Variants in SCAPER observed in about 807,000 individuals in gnomAD.
SCAPER encodes S-phase cyclin A associated protein in the ER.
A neutral mutation model predicts 182.2 loss-of-function variants in SCAPER; 98 were observed. The observed-to-expected ratio is 0.54, with a 90% CI of 0.46 to 0.64. SCAPER has a LOEUF of 0.64. SCAPER is among the 30% of genes least tolerant of loss of function. The pLI is 0.00. For missense variants in SCAPER, 1,432 were observed against 1,690.0 expected (o/e 0.85, Z 2.68); for synonymous variants, 605 against 564.6 (o/e 1.07, Z -1.01).
intron 5 of SCAPER, among the ~76,000 whole-genome samples, chr15:76,812,159 CA>C (rs1455496615): frequency 5.3e-5 from 8 of 151,678 alleles, no homozygotes; most frequent in Non-Finnish European, 5.9e-5. Flanking sequence ...ATTAAAAACA[CA>C]AAACTTAGCC....
rs1567494787 is a variant in SCAPER, at chr15:76,572,910, CT to C, written c.2838+1247del. Among the ~76,000 whole-genome samples the C allele has an allele frequency of 9.1e-3, 879 of 96,134 alleles. 4 individuals carry two copies. The highest frequency in any genetic ancestry group is 0.031 in the African/African-American group (848 of 27,776). The allele number at this position is 96,134 out of a possible 152,430, so 63.1% of individuals were successfully genotyped here. ...GTGCACTCTCTCTCTCTCTCTCTCT[CT>C]CTCTCTCTCACACACACACACACAC... On this transcript the variant is annotated intron_variant, in intron 23 of 31. Transcript: ENST00000563290.
At chr15:76,770,421 C>T (rs1293288461) in intron 10 of SCAPER, among the ~76,000 whole-genome samples, 2 of 151,834 alleles carry the variant, frequency 1.3e-5, no homozygotes, top group South Asian at 2.1e-4. Context: ...TGTAACTCTC[C>T]ACTTGGGAAC....
At chr15:76,394,733 CATATTT>C (rs1458372844) in intron 27 of SCAPER, among the ~76,000 whole-genome samples, 4 of 152,092 alleles carry the variant, frequency 2.6e-5, no homozygotes, top group African/African-American at 7.2e-5. Context: ...AGTAGGTATA[CATATTT>C]ATGGGATACC....
chr15:76,482,734 T>G (rs2051248881), intron 24 of SCAPER, among the ~76,000 whole-genome samples: 1 of 125,342 alleles, frequency 8.0e-6, no homozygotes, highest in African/African-American at 3.0e-5. Context: ...ATTAAAAACA[T>G]GGTATCATTT....
At chr15:76,547,933 T>A (rs1054271793) in intron 23 of SCAPER, among the ~76,000 whole-genome samples, 6 of 152,310 alleles carry the variant, frequency 3.9e-5, no homozygotes, top group South Asian at 4.1e-4. Flanking sequence ...TAATATTCCA[T>A]GAAAATGTCT....
chr15:76,642,371 G>A (rs1006909034), intron 21 of SCAPER, among the ~76,000 whole-genome samples: 1 of 152,166 alleles, frequency 6.6e-6, no homozygotes, highest in Non-Finnish European at 1.5e-5. Context: ...TAGCAACTGG[G>A]AAGGATTACT....
intron 25 of SCAPER, 111 bp downstream of exon 25, chr15:76,471,101 T>TC (rs143640742): frequency 2.6e-6 from 1 of 388,418 alleles, no homozygotes; most frequent in Non-Finnish European, 3.6e-6. Context: ...TCTTCTTCTT[T>TC]TTTTTTTTTT....
chr15:76,779,384 C>T (rs2063948657), intron 8 of SCAPER, among the ~76,000 whole-genome samples: 1 of 152,056 alleles, frequency 6.6e-6, no homozygotes, highest in African/African-American at 2.4e-5. Context: ...GATCTTCCAC[C>T]CATTAAAAGT....
chr15:76,751,257 T>C (rs1231870703), intron 15 of SCAPER, among the ~76,000 whole-genome samples: 2 of 151,760 alleles, frequency 1.3e-5, no homozygotes, highest in East Asian at 3.9e-4. Context: ...AATTATCCCA[T>C]GATCATAAAC....
chr15:76,688,843 C>CTTTTTTTTT (rs71143353), intron 20 of SCAPER, among the ~76,000 whole-genome samples: 3 of 92,368 alleles, frequency 3.2e-5, no homozygotes, highest in Non-Finnish European at 4.2e-5. Flanking sequence ...AAATGCCTCT[C>CTTTTTTTTT]TTTTTTTTTT....
At chr15:76,359,349 C>T (rs1257487998) in intron 29 of SCAPER, among the ~76,000 whole-genome samples, 1 of 152,206 alleles carries the variant, frequency 6.6e-6, no homozygotes, top group Non-Finnish European at 1.5e-5. Context: ...TCTCCCTGGC[C>T]CTGCCTGCAC....
At chr15:76,589,298 T>C (rs2048929711) in intron 22 of SCAPER, among the ~76,000 whole-genome samples, 1 of 152,132 alleles carries the variant, frequency 6.6e-6, no homozygotes, top group East Asian at 1.9e-4. Context: ...ATATGACCTT[T>C]GTCTTCAGCT....
At chr15:76,703,171 T>A (rs748951099) in intron 18 of SCAPER, among the ~76,000 whole-genome samples, 169 bp from the exon 19 acceptor site, 1 of 152,366 alleles carries the variant, frequency 6.6e-6, no homozygotes, top group South Asian at 2.1e-4. Context: ...ATCACCCACA[T>A]GAACAGTAAT....
intron 25 of SCAPER, among the ~76,000 whole-genome samples, chr15:76,442,801 C>T (rs2047706780): frequency 6.6e-6 from 1 of 152,230 alleles, no homozygotes; most frequent in East Asian, 1.9e-4. Context: ...AGGTGATATA[C>T]CCTAACACCA....
At chr15:76,659,191 T>C (rs2055913411) in intron 21 of SCAPER, among the ~76,000 whole-genome samples, 1 of 152,186 alleles carries the variant, frequency 6.6e-6, no homozygotes, top group African/African-American at 2.4e-5. Flanking sequence ...AAAGGTTTAA[T>C]ATTCAGAACC....
chr15:76,821,528 T>TG (rs1374060128), intron 5 of SCAPER, among the ~76,000 whole-genome samples: 2 of 150,098 alleles, frequency 1.3e-5, no homozygotes, highest in African/African-American at 2.5e-5. Flanking sequence ...AGGCTGAGGT[T>TG]GGGGGGGATC....
intron 27 of SCAPER, chr15:76,385,250 C>T (rs554028837): frequency 6.6e-6 from 1 of 152,302 alleles, no homozygotes; most frequent in South Asian, 2.1e-4. Flanking sequence ...TCTTCATAAA[C>T]CACTTATACA....
chr15:76,701,925 A>G (rs1247749440), intron 19 of SCAPER, 60 bp from the exon 20 acceptor site: 2 of 1,182,974 alleles, frequency 1.7e-6, no homozygotes, highest in African/African-American at 3.0e-5. Flanking sequence ...TTTAAACACT[A>G]CACATTCAGT....
chr15:76,862,379 T>C (rs1012230653), intron 3 of SCAPER, 37 bp downstream of exon 3: 1 of 1,391,182 alleles, frequency 7.2e-7, no homozygotes, highest in Admixed American at 1.9e-5. Context: ...CCCTCCTTAT[T>C]TACAACAAAA....
Sources: gnomAD v4.1 joint callset for allele counts (sites outside exome capture counted in the v4.1 genomes callset) on GRCh38, gnomAD v4.1.1 for gene constraint, MANE v1.5 for transcripts, NCBI Gene and HGNC (gene_info 2026-07-23, HGNC 2026-07-21) for gene names.